The following CPS1 variants were observed in gnomAD, a reference collection of about 807,000 sequenced individuals.
CPS1 encodes carbamoyl-phosphate synthase 1, also known as carbamoyl-phosphate synthase [ammonia], mitochondrial.
CPS1 carries 109 observed loss-of-function variants against 174.6 expected under a neutral mutation model. The ratio of observed to expected loss-of-function variants is 0.62; its 90% CI spans 0.53 to 0.73. The LOEUF is 0.73. Ranked by LOEUF, CPS1 falls within the 30% of genes least tolerant of loss-of-function variation. The probability of loss-of-function intolerance (pLI) is 0.00; values close to 1 mark genes in which losing one functional copy is unlikely to be tolerated. For missense variants in CPS1, 1,689 were observed against 1,821.9 expected (o/e 0.93, Z 1.33); for synonymous variants, 637 against 632.0 (o/e 1.01, Z -0.12).
chr2:210,553,944 T>C (rs1696795491), upstream of CPS1, among the ~76,000 whole-genome samples: 1 of 151,562 alleles, frequency 6.6e-6, no homozygotes, highest in African/African-American at 2.4e-5. Flanking sequence ...CCAACCTCCA[T>C]TGTGGAATTA....
intron 21 of CPS1, among the ~76,000 whole-genome samples, chr2:210,636,984 T>G (rs1459988332): frequency 6.6e-6 from 1 of 152,072 alleles, no homozygotes; most frequent in Non-Finnish European, 1.5e-5. Context: ...TAGAGGTAAT[T>G]TAGGGAGAGG....
chr2:210,613,744 A>T (rs1699209326), intron 20 of CPS1, among the ~76,000 whole-genome samples: 1 of 151,948 alleles, frequency 6.6e-6, no homozygotes, highest in Non-Finnish European at 1.5e-5. Context: ...TTTCTAACAG[A>T]CTTATAAAAG....
In CPS1 at chr2:210,640,252, T is replaced by C. The variant is rs532434459; in HGVS notation, c.2959+193T>C. 4.6e-5 allele frequency among the ~76,000 whole-genome samples: 7 copies of C among 152,304 alleles called. No individual in the cohort carries two copies. The East Asian group carries it at 1.3e-3, about 29-fold the overall frequency. ...ATTTAGTGGTAGAGTGGGACTCAAA[T>C]GCAGGTCTCAACTACAAATTCTATC... On this transcript the variant is annotated intron_variant, in intron 24 of 37. Coordinates refer to ENST00000233072, the MANE Select transcript of CPS1 (RefSeq NM_001875.5).
At chr2:210,568,991 T>C (rs1372332181) in intron 1 of CPS1, among the ~76,000 whole-genome samples, 1 of 152,042 alleles carries the variant, frequency 6.6e-6, no homozygotes, top group Non-Finnish European at 1.5e-5. Context: ...TCCTCTCTTA[T>C]CAAATTCACT....
intron 1 of CPS1, among the ~76,000 whole-genome samples, chr2:210,569,746 G>A (rs1185023813): frequency 3.3e-5 from 5 of 151,936 alleles, no homozygotes; most frequent in South Asian, 2.1e-4. Context: ...TCATGATAAG[G>A]TCCTTTATTT....
intron 1 of CPS1, among the ~76,000 whole-genome samples, chr2:210,531,156 G>C (rs909409096): frequency 5.3e-5 from 8 of 151,940 alleles, no homozygotes; most frequent in Admixed American, 1.3e-4. Context: ...ATGACAGAAG[G>C]CACAACTTGT....
intron 20 of CPS1, among the ~76,000 whole-genome samples, chr2:210,613,610 G>C (rs994565130): frequency 1.1e-4 from 16 of 151,670 alleles, no homozygotes; most frequent in African/African-American, 3.9e-4. Context: ...TCAGGCAAAG[G>C]ACAGTAAATA....
intron 1 of CPS1, among the ~76,000 whole-genome samples, chr2:210,531,824 G>C (rs556300174): frequency 1.3e-5 from 2 of 152,228 alleles, no homozygotes; most frequent in South Asian, 4.1e-4. Flanking sequence ...TATTTTTTAT[G>C]TTTCTTTGTG....
At chr2:210,582,759 C>T in intron 6 of CPS1, 50 bp downstream of exon 6, 1 of 1,361,292 alleles carries the variant, frequency 7.3e-7, no homozygotes, top group Non-Finnish European at 1.1e-6. Context: ...CCCATTTAGA[C>T]CTTCTTGAAA....
chr2:210,646,754 G>A (rs892968133), intron 25 of CPS1, among the ~76,000 whole-genome samples: 6 of 152,114 alleles, frequency 3.9e-5, no homozygotes, highest in African/African-American at 9.6e-5. Flanking sequence ...AAGACTAAAC[G>A]TTGGGGGAAA....
At position 210,674,471 on chromosome 2, in the gene CPS1, C is replaced by CA. The variant is rs66758310; in HGVS notation, c.4102-420dup. The stretch of plus-strand genomic sequence containing the variant: ...GCAACAAGAGCAAAAAACCCCATCT[C>CA]AAAAAAAAAAACCAAAAAAAAAAAA... On this transcript the variant is annotated intron_variant, in intron 34 of 37. Coordinates refer to ENST00000233072, the MANE Select transcript of CPS1 (RefSeq NM_001875.5). 0.013 allele frequency: 1,027 copies of CA among 78,682 alleles called. 3 individuals carry two copies. Among genetic ancestry groups the CA allele is most frequent in the South Asian group, 0.026 (82 of 3,198 alleles). 4.9% of individuals were successfully genotyped at this position (78,682 alleles called of 1,614,324 possible). A position where few individuals can be genotyped will look rare whatever the true frequency, so the allele number is the denominator to read the frequency against.
At chr2:210,665,027 C>A (rs1229023829) in intron 33 of CPS1, among the ~76,000 whole-genome samples, 9 of 152,200 alleles carry the variant, frequency 5.9e-5, no homozygotes, top group Admixed American at 5.9e-4. Flanking sequence ...CATTTAACTA[C>A]TTTCTATGGT....
chr2:210,670,995 G>C (rs76247011), intron 34 of CPS1, among the ~76,000 whole-genome samples: 2 of 152,148 alleles, frequency 1.3e-5, no homozygotes, highest in African/African-American at 4.8e-5. Flanking sequence ...GCATAACACA[G>C]GTTTATATGG....
At chr2:210,568,316 C>T (rs569806173) in intron 1 of CPS1, among the ~76,000 whole-genome samples, 5 of 152,016 alleles carry the variant, frequency 3.3e-5, no homozygotes, top group South Asian at 4.2e-4. Context: ...ATATAGAGAG[C>T]GAGCCAGATG....
Position 210,591,859 on chromosome 2 carries a change from A to G in CPS1, c.976A>G (p.Thr326Ala). ...RGQNQPVLNI[T>A]NKQAFITAQN... ...GCAGAATCAGCCTGTTTTGAATATCACAAACAAACAGGCTTTCATTACTGC... is the reference window on the plus strand; with the variant it reads ...GCAGAATCAGCCTGTTTTGAATATCGCAAACAAACAGGCTTTCATTACTGC... Residue 326 changes from threonine (T) to alanine (A), a missense_variant, in exon 10 of 38, where the codon ACA (threonine) becomes GCA (alanine). Coordinates refer to ENST00000233072, the MANE Select transcript of CPS1 (RefSeq NM_001875.5). 2 of 1,612,432 alleles carry G rather than the reference A, an allele frequency of 1.2e-6. No homozygotes were observed. The highest frequency in any genetic ancestry group is 1.1e-5 in the South Asian group (1 of 91,038).
chr2:210,520,103 C>T (rs991735372), intron 1 of CPS1, among the ~76,000 whole-genome samples: 9 of 151,818 alleles, frequency 5.9e-5, no homozygotes, highest in African/African-American at 1.5e-4. Context: ...ATGTATGCCT[C>T]GGTATTGATT....
chr2:210,573,254 T>G, intron 1 of CPS1, 44 bp from the exon 2 acceptor site: 2 of 1,499,996 alleles, frequency 1.3e-6, no homozygotes, highest in South Asian at 1.1e-5. Flanking sequence ...TTTGTGTGTT[T>G]TGTATTATGT....
At chr2:210,620,736 G>A (rs1483188105) in intron 21 of CPS1, among the ~76,000 whole-genome samples, 3 of 152,006 alleles carry the variant, frequency 2.0e-5, no homozygotes, top group Admixed American at 2.0e-4. Flanking sequence ...ACTATTGCCA[G>A]GAGAGCACCA....
intron 24 of CPS1, 109 bp downstream of exon 24, chr2:210,640,168 T>C: frequency 1.3e-6 from 1 of 789,552 alleles, no homozygotes; most frequent in Non-Finnish European, 2.0e-6. Flanking sequence ...TGCTGTAATA[T>C]ATGTTTTGCA....
Sources: allele counts gnomAD v4.1 joint callset (sites outside exome capture counted in the v4.1 genomes callset), GRCh38; gene constraint gnomAD v4.1.1; transcripts MANE v1.5; gene names NCBI Gene and HGNC (gene_info 2026-07-23, HGNC 2026-07-21).